KLF12: variants seen among roughly 807,000 people sequenced by gnomAD.
KLF12 encodes KLF transcription factor 12, also known as Krueppel-like factor 12.
Under a neutral mutation model 37.8 loss-of-function variants are expected in KLF12, and 9 were observed. That is an observed-to-expected ratio of 0.24 (90% CI 0.14 to 0.42). The LOEUF (loss-of-function observed/expected upper bound fraction) is 0.42. Ranked by LOEUF, KLF12 falls within the 10% of genes least tolerant of loss-of-function variation. The probability of loss-of-function intolerance (pLI) is 1.00; values close to 1 mark genes in which losing one functional copy is unlikely to be tolerated. For missense variants in KLF12, 411 were observed against 516.0 expected (o/e 0.80, Z 1.97); for synonymous variants, 208 against 202.1 (o/e 1.03, Z -0.25).
chr13:74,068,558 CTTTTTTTTTTTT>C (rs71115634), intron 1 of KLF12, among the ~76,000 whole-genome samples: 1 of 135,150 alleles, frequency 7.4e-6, no homozygotes, highest in Admixed American at 7.5e-5. Flanking sequence ...AAATTTTTTT[CTTTTTTTTTTTT>C]TTTTGAGACT....
In KLF12 at chr13:73,695,376, A is replaced by C; in HGVS notation, c.*114T>G. 106 of 990,858 alleles carry C rather than the reference A, an allele frequency of 1.1e-4. No homozygotes were observed. Among genetic ancestry groups the C allele is most frequent in the Non-Finnish European group, 1.5e-4 (100 of 664,644 alleles). 61.4% of individuals were successfully genotyped at this position (990,858 alleles called of 1,614,324 possible). On this transcript the variant is annotated 3_prime_UTR_variant, in exon 8 of 8. Transcript: ENST00000377669. ...TCTTTTTCCTGCTCTGGTTTCAGACATCGTGGGATGGTGATGCCCTTTTGT... is the reference window on the plus strand; with the variant it reads ...TCTTTTTCCTGCTCTGGTTTCAGACCTCGTGGGATGGTGATGCCCTTTTGT...
intron 5 of KLF12, among the ~76,000 whole-genome samples, chr13:73,776,720 G>T (rs1314874550): frequency 4.6e-5 from 7 of 152,108 alleles, no homozygotes; most frequent in Non-Finnish European, 4.4e-5. Context: ...ACACATATTG[G>T]TTATTACTAT....
the KLF12 span, among the ~76,000 whole-genome samples, chr13:74,206,621 T>G: frequency 6.6e-6 from 1 of 152,178 alleles, no homozygotes; most frequent in Admixed American, 6.5e-5. Flanking sequence ...ATTGCAGATT[T>G]TATAACAGGG....
intron 1 of KLF12, among the ~76,000 whole-genome samples, chr13:74,040,847 T>G (rs1290356943): frequency 6.6e-6 from 1 of 152,214 alleles, no homozygotes; most frequent in African/African-American, 2.4e-5. Context: ...TTTTCTGATT[T>G]CCATCTGCCC....
At chr13:74,029,918 G>C (rs1030919027) in intron 1 of KLF12, among the ~76,000 whole-genome samples, 3 of 152,076 alleles carry the variant, frequency 2.0e-5, no homozygotes, top group Admixed American at 1.3e-4. Flanking sequence ...GGAAAGGAAG[G>C]AGAGTTGAGG....
rs150040933 is a variant in KLF12 at position 73,846,090 on chromosome 13, G to A, written c.407C>T (p.Ala136Val). 1.9e-5 allele frequency: 30 copies of A among 1,613,950 alleles called. No homozygotes were observed. The highest frequency in any genetic ancestry group is 2.2e-5 in the Non-Finnish European group (26 of 1,179,998). The change falls in exon 4 of 8, where the codon GCG becomes GTG. Residue 136 changes from alanine to valine, a missense_variant. By Grantham distance (64) the Ala-to-Val change is moderately conservative. Transcript: ENST00000377669. ...AGTTAATACTGTTGACGAAGATGAC[G>A]CTGAAGATACTGATGTGATAACAGT... is the stretch of plus-strand genomic sequence containing the variant.
At chr13:74,248,761 G>A in the KLF12 span, among the ~76,000 whole-genome samples, 1 of 152,194 alleles carries the variant, frequency 6.6e-6, no homozygotes, top group Admixed American at 6.5e-5. Context: ...CACAAAGGAA[G>A]TGGAGCATTG....
At chr13:74,002,976 T>C (rs1232616636) in intron 1 of KLF12, among the ~76,000 whole-genome samples, 1 of 152,252 alleles carries the variant, frequency 6.6e-6, no homozygotes, top group African/African-American at 2.4e-5. Context: ...CTACCATCTC[T>C]TGAATGTTTT....
chr13:74,206,938 G>A, the KLF12 span, among the ~76,000 whole-genome samples: 3 of 152,162 alleles, frequency 2.0e-5, no homozygotes, highest in Non-Finnish European at 4.4e-5. Flanking sequence ...CTAAGTCATT[G>A]TCTAAGTCTG....
intron 1 of KLF12, among the ~76,000 whole-genome samples, chr13:74,045,156 A>T (rs1169967677): frequency 6.6e-6 from 1 of 152,210 alleles, no homozygotes; most frequent in Non-Finnish European, 1.5e-5. Context: ...AATAAAGACC[A>T]TAATCCTTTA....
chr13:74,071,177 A>G (rs1468147010), intron 1 of KLF12, among the ~76,000 whole-genome samples: 1 of 152,208 alleles, frequency 6.6e-6, no homozygotes, highest in Non-Finnish European at 1.5e-5. Flanking sequence ...CAGTCTAGAA[A>G]CATAAACTAA....
chr13:74,018,045 A>C (rs983196291), intron 1 of KLF12, among the ~76,000 whole-genome samples: 1 of 152,084 alleles, frequency 6.6e-6, no homozygotes, highest in Non-Finnish European at 1.5e-5. Flanking sequence ...GGAACAACCA[A>C]GGCCAGGAGA....
intron 7 of KLF12, among the ~76,000 whole-genome samples, chr13:73,696,354 TCA>T (rs1299717669): frequency 6.6e-6 from 1 of 152,144 alleles, no homozygotes; most frequent in Non-Finnish European, 1.5e-5. Context: ...GAGCTAAAAT[TCA>T]CAGAGAAAAG....
chr13:74,127,701 T>C (rs1168097552), intron 1 of KLF12, among the ~76,000 whole-genome samples: 1 of 152,256 alleles, frequency 6.6e-6, no homozygotes, highest in African/African-American at 2.4e-5. Flanking sequence ...CATGCGTGAT[T>C]ATAAATAGGT....
At chr13:74,255,383 T>A in the KLF12 span, among the ~76,000 whole-genome samples, 2 of 152,342 alleles carry the variant, frequency 1.3e-5, no homozygotes, top group East Asian at 3.9e-4. Flanking sequence ...TTGTTTTTGA[T>A]GTATACTCAT....
At chr13:74,305,104 G>A in the KLF12 span, among the ~76,000 whole-genome samples, 8 of 151,804 alleles carry the variant, frequency 5.3e-5, no homozygotes, top group South Asian at 1.7e-3. Context: ...CAATTTTGAG[G>A]GTATTTTCCC....
chr13:73,691,594 T>G lies in KLF12; in HGVS notation c.*3896A>C, dbSNP rs766267687. 4 of 152,644 alleles carry G rather than the reference T, an allele frequency of 2.6e-5. No individual in the cohort carries two copies. The highest frequency in any genetic ancestry group is 4.4e-5 in the Non-Finnish European group (3 of 68,034). 9.5% of individuals were successfully genotyped at this position (152,644 alleles called of 1,614,324 possible). Reference sequence around the variant, plus strand: ...TTCTGTCAATCCTCACTATAAATGTTAAGACATCTTTAGAACAACATCATG... The same window carrying G: ...TTCTGTCAATCCTCACTATAAATGTGAAGACATCTTTAGAACAACATCATG... On this transcript the variant is annotated 3_prime_UTR_variant, in exon 8 of 8. Coordinates refer to ENST00000377669, the MANE Select transcript of KLF12 (RefSeq NM_007249.5).
At chr13:73,821,053 A>C (rs1883498885) in intron 4 of KLF12, among the ~76,000 whole-genome samples, 1 of 152,248 alleles carries the variant, frequency 6.6e-6, no homozygotes, top group South Asian at 2.1e-4. Flanking sequence ...AGGTCTGGTT[A>C]TAAAATACTA....
intron 1 of KLF12, among the ~76,000 whole-genome samples, chr13:74,112,384 TTGTCTGTG>T (rs58790326): frequency 0.03 from 4,298 of 145,250 alleles, 201 homozygotes; most frequent in African/African-American, 0.1. Flanking sequence ...TTTGCAGATA[TTGTCTGTG>T]TGTGTGTGTG....
Sources: gnomAD v4.1 joint callset for allele counts (sites outside exome capture counted in the v4.1 genomes callset) on GRCh38, gnomAD v4.1.1 for gene constraint, MANE v1.5 for transcripts, NCBI Gene and HGNC (gene_info 2026-07-23, HGNC 2026-07-21) for gene names.